Variants in HDAC9 observed in about 807,000 individuals in gnomAD.
HDAC9 encodes the protein MEF-2 interacting transcription repressor (MITR) protein.
In HDAC9, 41 loss-of-function variants were observed where a neutral mutation model predicts 139.4. The observed-to-expected ratio is 0.29, with a 90% confidence interval of 0.23 to 0.38. The LOEUF (loss-of-function observed/expected upper bound fraction) is 0.38, where lower values mean the gene tolerates loss of function less well. Among genes scored for constraint, HDAC9 ranks in the 10% least tolerant of loss-of-function variants. The pLI, the probability that HDAC9 is intolerant of heterozygous loss-of-function variation, is 1.00. For synonymous variants in HDAC9, 517 were observed against 476.2 expected, an observed-to-expected ratio of 1.09 and a Z score of -1.12; for missense variants, 1,147 against 1,297.0, an observed-to-expected ratio of 0.88 and a Z score of 1.78.
At chr7:18,972,367 C>A (rs1784293747) in intron 24 of HDAC9, among the ~76,000 whole-genome samples, 1 of 114,838 alleles carries the variant, frequency 8.7e-6, no homozygotes, top group Non-Finnish European at 1.8e-5. Context: ...CGATGAACTT[C>A]TCTTTTTTTT....
chr7:18,579,888 G>T (rs536334229), intron 2 of HDAC9, among the ~76,000 whole-genome samples: 4 of 152,136 alleles, frequency 2.6e-5, no homozygotes, highest in East Asian at 1.9e-4. Context: ...ACAAAATTGC[G>T]CATTCTTAAA....
chr7:18,874,723 T>A (rs1799189810), intron 22 of HDAC9, 127 bp downstream of exon 22: 3 of 627,474 alleles, frequency 4.8e-6, no homozygotes, highest in Non-Finnish European at 8.7e-6. Context: ...ATGATTCAGG[T>A]GGTGTTTATT....
chr7:18,459,027 G>A (rs531785893), intron 1 of HDAC9: 2 of 706,698 alleles, frequency 2.8e-6, no homozygotes, highest in East Asian at 2.8e-5. Context: ...AGATATGCTT[G>A]ACCCAGTTTT....
intron 21 of HDAC9, among the ~76,000 whole-genome samples, chr7:18,874,001 G>A (rs199849127): frequency 3.4e-5 from 2 of 58,218 alleles, no homozygotes; most frequent in South Asian, 8.7e-4. Context: ...ATTTAAAAAT[G>A]TTTTTTTTTT....
intron 2 of HDAC9, among the ~76,000 whole-genome samples, chr7:18,254,054 A>C (rs1941160777): frequency 6.6e-6 from 1 of 152,240 alleles, no homozygotes; most frequent in Non-Finnish European, 1.5e-5. Flanking sequence ...ATTGATGTAA[A>C]ATTTTCTGGA....
At chr7:18,696,578 T>C (rs1213244542) in intron 12 of HDAC9, among the ~76,000 whole-genome samples, 3 of 151,590 alleles carry the variant, frequency 2.0e-5, no homozygotes, top group Non-Finnish European at 4.4e-5. Flanking sequence ...AGCGATTCTC[T>C]TGCCTCAGCC....
At chr7:18,392,404 GATAGATA>G (rs1786611429) in intron 1 of HDAC9, among the ~76,000 whole-genome samples, 3 of 46,178 alleles carry the variant, frequency 6.5e-5, no homozygotes, top group African/African-American at 2.1e-4. Flanking sequence ...TAGATGGATA[GATAGATA>G]GATAGATAGA....
In HDAC9 at chr7:18,179,520, G is replaced by GT. The variant is rs201606334; in HGVS notation, c.25+17179dup. Among the ~76,000 whole-genome samples the GT allele has an allele frequency of 3.0e-3, 452 of 151,834 alleles. 5 individuals carry two copies. The highest frequency in any genetic ancestry group is 0.01 in the African/African-American group (431 of 41,430). On this transcript the variant is annotated intron_variant, in intron 2 of 12. Coordinates refer to the HDAC9 transcript ENST00000417496. ...CACTATATAAGGATGAATAAGCTTT[G>GT]TTTTTTTTGCTTCTACCTCTCTTAT...
chr7:18,829,419 A>G (rs376212097), intron 18 of HDAC9, 42 bp from the exon 19 acceptor site: 73 of 1,406,596 alleles, frequency 5.2e-5, no homozygotes, highest in East Asian at 2.3e-5. Context: ...GTTTTCCTGG[A>G]TGATTTGCTT....
chr7:18,142,266 T>A (rs1562667965), intron 1 of HDAC9, among the ~76,000 whole-genome samples: 1 of 152,284 alleles, frequency 6.6e-6, no homozygotes, highest in East Asian at 1.9e-4. Flanking sequence ...AATAAGTAAC[T>A]TAATTTGGCC....
chr7:18,617,127 G>A (rs1838829120), intron 6 of HDAC9, among the ~76,000 whole-genome samples: 1 of 151,996 alleles, frequency 6.6e-6, no homozygotes, highest in South Asian at 2.1e-4. Flanking sequence ...CGTGCCTACT[G>A]TTTTAGTTCA....
At chr7:18,900,154 T>C (rs1801564128) in intron 22 of HDAC9, among the ~76,000 whole-genome samples, 1 of 152,172 alleles carries the variant, frequency 6.6e-6, no homozygotes, top group Non-Finnish European at 1.5e-5. Flanking sequence ...TTAATTGTGA[T>C]ACTCTTAATT....
rs1296835342 is a variant in HDAC9 at position 18,732,977 on chromosome 7, A to G, written c.1909+5220A>G. ...TATGTGTGTGTATGTGTATATACAC[A>G]TGTGTATGTGTGTGTATGTGTATAT... is the stretch of plus-strand genomic sequence containing the variant. On this transcript the variant is annotated intron_variant, in intron 13 of 25. Transcript: ENST00000686413. Among the ~76,000 whole-genome samples, 118 of 110,350 alleles carry G rather than the reference A, an allele frequency of 1.1e-3. 10 individuals are homozygous for G. The highest frequency in any genetic ancestry group is 7.4e-3 in the African/African-American group (109 of 14,822). 72.4% of individuals were successfully genotyped at this position (110,350 alleles called of 152,430 possible).
At chr7:18,693,765 T>G (rs533136322) in intron 12 of HDAC9, among the ~76,000 whole-genome samples, 1 of 152,186 alleles carries the variant, frequency 6.6e-6, no homozygotes. Flanking sequence ...TGTGTGAAAT[T>G]AAAGAATTGC....
At chr7:18,561,117 G>A (rs1035819710) in intron 2 of HDAC9, among the ~76,000 whole-genome samples, 4 of 152,146 alleles carry the variant, frequency 2.6e-5, no homozygotes, top group Non-Finnish European at 5.9e-5. Context: ...TAGAATAGAA[G>A]AAATAGAAAG....
intron 1 of HDAC9, among the ~76,000 whole-genome samples, chr7:18,414,780 A>G (rs1655138452): frequency 6.6e-6 from 1 of 152,232 alleles, no homozygotes; most frequent in South Asian, 2.1e-4. Context: ...TTAAGAAGAA[A>G]GGCTCTTTGT....
At chr7:18,667,452 A>G (rs1795149332) in intron 12 of HDAC9, 1 of 984,430 alleles carries the variant, frequency 1.0e-6, no homozygotes, top group Non-Finnish European at 1.2e-6. Flanking sequence ...ATTCTGGCAA[A>G]TAACAATTAG....
chr7:18,805,717 C>T (rs1170009946), intron 17 of HDAC9, among the ~76,000 whole-genome samples: 1 of 152,132 alleles, frequency 6.6e-6, no homozygotes, highest in South Asian at 2.1e-4. Flanking sequence ...TGACAGTGGA[C>T]CTGAGAGTGT....
At chr7:18,770,867 G>A (rs1321490020) in intron 16 of HDAC9, among the ~76,000 whole-genome samples, 1 of 152,180 alleles carries the variant, frequency 6.6e-6, no homozygotes, top group Non-Finnish European at 1.5e-5. Flanking sequence ...CCAGATCAGT[G>A]AGAAGCAAAG....
Sources: gnomAD v4.1 joint callset for allele counts (sites outside exome capture counted in the v4.1 genomes callset) on GRCh38, gnomAD v4.1.1 for gene constraint, MANE v1.5 for transcripts, NCBI Gene and HGNC (gene_info 2026-07-23, HGNC 2026-07-21) for gene names.